RNASE9: variants seen among roughly 807,000 people sequenced by gnomAD.
The protein encoded by RNASE9 is ribonuclease A family member 9 (inactive).
For synonymous variants in RNASE9, 95 were observed against 87.6 expected, an observed-to-expected ratio of 1.08 and a Z score of -0.47; for missense variants, 263 against 247.1, an observed-to-expected ratio of 1.06 and a Z score of -0.43.
chr14:20,556,883 C>T, exon 3 of RNASE9: 1 of 1,614,104 alleles, frequency 6.2e-7, no homozygotes, highest in South Asian at 1.1e-5. Context: ...TTGACTTTTT[C>T]TTTGGTAGGT....
chr14:20,558,754 C>T, intron 2 of RNASE9: 1 of 648,760 alleles, frequency 1.5e-6, no homozygotes, highest in Admixed American at 2.4e-5. Context: ...GTCCAGAATA[C>T]TCTTTTGTTT....
At chr14:20,556,646 A>T (rs1883703172) in exon 3 of RNASE9, 2 of 1,613,410 alleles carry the variant, frequency 1.2e-6, no homozygotes, top group South Asian at 2.2e-5. Context: ...GTTAAATTAC[A>T]ATACACTCCT....
Position 20,556,479 on chromosome 14 carries a change from CT to C in RNASE9, c.590del (p.Glu197GlyfsTer27). On this transcript the variant is annotated frameshift_variant, in exon 3 of 3. Transcript: ENST00000555230. LOFTEE classifies it low-confidence loss of function (END_TRUNC). ...AGGGCGATATGACAAAGACACCATC[CT>C]CACTGAGGAAACTTCTGTGTTCAGG... is the stretch of plus-strand genomic sequence containing the variant. 1 of 1,612,356 alleles carries C rather than the reference CT, an allele frequency of 6.2e-7. No individual in the cohort carries two copies. Among genetic ancestry groups the C allele is most frequent in the Non-Finnish European group, 8.5e-7 (1 of 1,178,556 alleles).
chr14:20,558,127 C>A, exon 3 of RNASE9: 1 of 287,290 alleles, frequency 3.5e-6, no homozygotes, highest in East Asian at 8.0e-5. Flanking sequence ...GGTCCATGCT[C>A]CATGAAGAAC....
At chr14:20,558,056 T>A (rs986590859) in exon 3 of RNASE9, 8 of 209,282 alleles carry the variant, frequency 3.8e-5, no homozygotes, top group Admixed American at 3.7e-4. Flanking sequence ...TCAAACACAA[T>A]GACTACTGAA....
At chr14:20,558,324 T>C in exon 3 of RNASE9, 1 of 623,004 alleles carries the variant, frequency 1.6e-6, no homozygotes, top group Non-Finnish European at 2.9e-6. Context: ...TATATATGTG[T>C]GTAGAAAGGT....
At chr14:20,558,771 T>C (rs1883821512) in intron 2 of RNASE9, 2 of 611,450 alleles carry the variant, frequency 3.3e-6, no homozygotes, top group Non-Finnish European at 3.0e-6. Context: ...GTTTTTTAAA[T>C]CTGCAACCTT....
In RNASE9 at chr14:20,558,278, G is replaced by A. The variant is rs190712600; in HGVS notation, c.-1209C>T. ...ACCTTGATCTATCAGTGATGGAGAT[G>A]GACAGCCTCCTGTTCTAGGCTGGAT... On this transcript the variant is annotated 5_prime_UTR_variant, in exon 3 of 3. Transcript: ENST00000555230. 81 of 567,466 alleles carry A rather than the reference G, an allele frequency of 1.4e-4. No homozygotes were observed. The East Asian group carries it at 2.2e-3, about 16-fold the overall frequency. 35.2% of individuals were successfully genotyped at this position (567,466 alleles called of 1,614,324 possible).
At chr14:20,560,487 T>C (rs1200736703) in intron 1 of RNASE9, 2 of 151,980 alleles carry the variant, frequency 1.3e-5, no homozygotes, top group Non-Finnish European at 2.9e-5. Flanking sequence ...CAATAATTTA[T>C]ATTGAAAGAC....
chr14:20,558,520 T>C, exon 3 of RNASE9: 1 of 1,523,610 alleles, frequency 6.6e-7, no homozygotes, highest in Non-Finnish European at 8.9e-7. Flanking sequence ...CTGCTTTTCC[T>C]CCCATCCCTG....
At chr14:20,560,329 T>C (rs549180739) in intron 1 of RNASE9, 2 of 152,208 alleles carry the variant, frequency 1.3e-5, no homozygotes, top group East Asian at 3.9e-4. Context: ...ATAATTATAA[T>C]AACTTACAAA....
chr14:20,558,778 C>G, intron 2 of RNASE9: 1 of 601,288 alleles, frequency 1.7e-6, no homozygotes, highest in South Asian at 2.1e-5. Flanking sequence ...AAATCTGCAA[C>G]CTTCTTAATT....
chr14:20,557,219 C>T (rs1016745143), exon 3 of RNASE9: 24 of 753,584 alleles, frequency 3.2e-5, no homozygotes, highest in Non-Finnish European at 4.4e-5. Context: ...AACTCATAAT[C>T]GATCTGAATA....
exon 3 of RNASE9, chr14:20,558,393 CA>C (rs1462470526): frequency 4.3e-6 from 3 of 694,708 alleles, no homozygotes; most frequent in Non-Finnish European, 8.0e-6. Flanking sequence ...AAAGTAGAGA[CA>C]GGAAAGTTGA....
At chr14:20,557,416 T>C in exon 3 of RNASE9, 1 of 223,950 alleles carries the variant, frequency 4.5e-6, no homozygotes, top group South Asian at 1.2e-4. Flanking sequence ...AGAAAGGAAA[T>C]CAAGACAGCA....
At chr14:20,558,302 A>T (rs1270177831) in exon 3 of RNASE9, 1 of 595,962 alleles carries the variant, frequency 1.7e-6, no homozygotes, top group Non-Finnish European at 3.0e-6. Context: ...TCTAGGCTGG[A>T]TACTAAGTTT....
exon 3 of RNASE9, chr14:20,558,118 GTCCATGC>G (rs1883784811): frequency 3.6e-6 from 1 of 277,194 alleles, no homozygotes; most frequent in South Asian, 4.4e-5. Context: ...TGACAAATTG[GTCCATGC>G]TCCATGAAGA....
At position 20,558,695 on chromosome 14, in the gene RNASE9, G is replaced by A. The variant is rs1052020813; in HGVS notation, c.-1581-45C>T. On this transcript the variant is annotated intron_variant, in intron 2 of 2. Transcript: ENST00000555230. ...TACACGTGTGAAAAGCAGAATTCAG[G>A]CAGCTGTGGCCCTGCCCTTTCTACT... is the stretch of plus-strand genomic sequence containing the variant. 1.1e-5 allele frequency: 11 copies of A among 1,024,590 alleles called. No individual in the cohort carries two copies. The Admixed American group carries it at 1.6e-4, about 15-fold the overall frequency. 63.5% of individuals were successfully genotyped at this position (1,024,590 alleles called of 1,614,324 possible).
At chr14:20,560,520 G>C (rs1883911201) in intron 1 of RNASE9, 1 of 151,742 alleles carries the variant, frequency 6.6e-6, no homozygotes, top group South Asian at 2.1e-4. Context: ...TTACTTAAAA[G>C]GGAAAAAAAT....
Sources: allele counts gnomAD v4.1 joint callset, GRCh38; gene constraint gnomAD v4.1.1; transcripts MANE v1.5; gene names NCBI Gene and HGNC (gene_info 2026-07-23, HGNC 2026-07-21).